The following EXOC6B variants were observed in gnomAD, a reference collection of about 807,000 sequenced individuals.
EXOC6B encodes the protein SEC15 homolog B.
In EXOC6B, 54 loss-of-function variants were observed where a neutral mutation model predicts 113.5. The ratio of observed to expected loss-of-function variants is 0.48; its 90% CI spans 0.38 to 0.60. EXOC6B has a LOEUF of 0.60. EXOC6B is among the 20% of genes least tolerant of loss of function. The pLI is 0.00. For synonymous variants in EXOC6B, 357 were observed against 339.0 expected (o/e 1.05, Z -0.58); for missense variants, 797 against 977.5 (o/e 0.82, Z 2.46).
chr2:72,585,202 T>C (rs774259315), intron 6 of EXOC6B, among the ~76,000 whole-genome samples: 1 of 151,916 alleles, frequency 6.6e-6, no homozygotes, highest in African/African-American at 2.4e-5. Flanking sequence ...AAAAGATCAA[T>C]GAAATTAAAA....
At position 72,416,934 on chromosome 2, in the gene EXOC6B, C is replaced by A. The variant is rs1694562351; in HGVS notation, c.1981-37064G>T. 1.3e-5 allele frequency among the ~76,000 whole-genome samples: 2 copies of A among 152,118 alleles called. 1 individual carries two copies. The highest frequency in any genetic ancestry group is 4.1e-4 in the South Asian group (2 of 4,822). ...TGTTTTGGTAACAATACCACATACT[C>A]GTTCGGTACATTGTCTGATTTCTAG... On this transcript the variant is annotated intron_variant, in intron 18 of 21. Coordinates refer to ENST00000272427, the MANE Select transcript of EXOC6B (RefSeq NM_015189.3).
intron 20 of EXOC6B, among the ~76,000 whole-genome samples, chr2:72,304,965 A>C (rs1158246089): frequency 2.0e-5 from 3 of 152,216 alleles, no homozygotes; most frequent in Admixed American, 1.3e-4. Context: ...TTGGGAGCAG[A>C]CATATCATAC....
At chr2:72,650,815 C>G (rs566477010) in intron 6 of EXOC6B, among the ~76,000 whole-genome samples, 1 of 151,376 alleles carries the variant, frequency 6.6e-6, no homozygotes, top group Non-Finnish European at 1.5e-5. Flanking sequence ...GAAATCAGAT[C>G]CTTCGACATA....
chr2:72,177,397 TTTTGAACTCTTCTCAAGCAATAGA>T lies in EXOC6B; in HGVS notation c.*1914_*1937del, dbSNP rs1677796862. 1 of 152,182 alleles carries T rather than the reference TTTTGAACTCTTCTCAAGCAATAGA, an allele frequency of 6.6e-6. No individual in the cohort carries two copies. The highest frequency in any genetic ancestry group is 1.5e-5 in the Non-Finnish European group (1 of 68,038). The allele number at this position is 152,182 out of a possible 1,614,324, so 9.4% of individuals were successfully genotyped here. ...AACTGGGTACTAGCAAAGAGAAGTG[TTTTGAACTCTTCTCAAGCAATAGA>T]ACTTCAGATTAATATAATCGTTTCT... On this transcript the variant is annotated 3_prime_UTR_variant, in exon 22 of 22. Coordinates refer to ENST00000272427, the MANE Select transcript of EXOC6B (RefSeq NM_015189.3).
chr2:72,621,931 A>C (rs972168806), intron 6 of EXOC6B, among the ~76,000 whole-genome samples: 6 of 152,140 alleles, frequency 3.9e-5, no homozygotes, highest in African/African-American at 1.4e-4. Context: ...CATACTTCAA[A>C]AAAATGAGGT....
At chr2:72,593,639 A>G (rs1706119790) in intron 6 of EXOC6B, among the ~76,000 whole-genome samples, 1 of 118,932 alleles carries the variant, frequency 8.4e-6, no homozygotes. Flanking sequence ...ACCAATAGGG[A>G]TCTTAAAAAA....
intron 8 of EXOC6B, among the ~76,000 whole-genome samples, chr2:72,551,671 A>AT (rs1205091829): frequency 1.5e-3 from 208 of 142,678 alleles, no homozygotes; most frequent in African/African-American, 3.2e-3. Context: ...CGCCCGGCTA[A>AT]TTTTTTTTTT....
intron 6 of EXOC6B, among the ~76,000 whole-genome samples, chr2:72,591,833 A>C (rs1705985236): frequency 6.6e-6 from 1 of 152,174 alleles, no homozygotes; most frequent in Non-Finnish European, 1.5e-5. Flanking sequence ...AGCAAATAAA[A>C]AGGGCAAACT....
At chr2:72,306,033 C>T (rs2104771959) in intron 20 of EXOC6B, among the ~76,000 whole-genome samples, 1 of 152,216 alleles carries the variant, frequency 6.6e-6, no homozygotes, top group Middle Eastern at 3.4e-3. Context: ...ATCCTGAATA[C>T]ATTTTTCCTT....
At chr2:72,633,394 C>A (rs1468542036) in intron 6 of EXOC6B, among the ~76,000 whole-genome samples, 1 of 152,090 alleles carries the variant, frequency 6.6e-6, no homozygotes, top group African/African-American at 2.4e-5. Context: ...CAGGATCATA[C>A]AATGTATGCT....
intron 18 of EXOC6B, among the ~76,000 whole-genome samples, chr2:72,397,200 T>C (rs1443789145): frequency 4.6e-5 from 7 of 152,120 alleles, no homozygotes; most frequent in Non-Finnish European, 1.5e-5. Context: ...TTAATATAAT[T>C]GTGATGGTTA....
Position 72,570,489 on chromosome 2 carries a change from C to T in EXOC6B, c.846+5003G>A, listed in dbSNP as rs376912816. Among the ~76,000 whole-genome samples, 24 of 152,248 alleles carry T rather than the reference C, an allele frequency of 1.6e-4. 2 individuals are homozygous for T. Among genetic ancestry groups the T allele is most frequent in the African/African-American group, 5.1e-4 (21 of 41,560 alleles). On this transcript the variant is annotated intron_variant, in intron 7 of 21. Transcript: ENST00000272427. ...AATTAACAATTCCCTCCTGTTGATT[C>T]TATACTTCAAAAGAGACACCAAAAT...
chr2:72,708,892 G>A (rs1351534638), intron 6 of EXOC6B, among the ~76,000 whole-genome samples: 2 of 124,234 alleles, frequency 1.6e-5, no homozygotes, highest in Non-Finnish European at 3.2e-5. Flanking sequence ...ACCACATCCA[G>A]CTAATTTTTT....
At chr2:72,471,555 T>C (rs1367496826) in intron 17 of EXOC6B, among the ~76,000 whole-genome samples, 8 of 152,214 alleles carry the variant, frequency 5.3e-5, no homozygotes, top group African/African-American at 1.9e-4. Flanking sequence ...ATGTCCTGAA[T>C]GGTATTGCCT....
intron 5 of EXOC6B, among the ~76,000 whole-genome samples, chr2:72,720,629 C>T (rs372824165): frequency 2.0e-5 from 3 of 151,570 alleles, no homozygotes; most frequent in East Asian, 2.0e-4. Context: ...GGCGTGCACC[C>T]GTAGTCCCAA....
chr2:72,662,420 G>T (rs1675089240), intron 6 of EXOC6B, among the ~76,000 whole-genome samples: 1 of 152,112 alleles, frequency 6.6e-6, no homozygotes, highest in South Asian at 2.1e-4. Context: ...TCTGGCAAAG[G>T]ACTTGTATCC....
chr2:72,628,538 A>G (rs1672199313), intron 6 of EXOC6B, among the ~76,000 whole-genome samples: 1 of 152,160 alleles, frequency 6.6e-6, no homozygotes, highest in African/African-American at 2.4e-5. Context: ...TTGAAATCCT[A>G]ACCCACAATA....
intron 1 of EXOC6B, among the ~76,000 whole-genome samples, chr2:72,761,605 T>C (rs940009721): frequency 1.3e-5 from 2 of 152,192 alleles, no homozygotes; most frequent in Non-Finnish European, 2.9e-5. Flanking sequence ...ATAAAATAAA[T>C]GGCCTCAGCA....
intron 18 of EXOC6B, among the ~76,000 whole-genome samples, chr2:72,401,711 T>C (rs1409405730): frequency 1.6e-5 from 2 of 127,808 alleles, no homozygotes; most frequent in Non-Finnish European, 3.3e-5. Context: ...TCATGTCTTT[T>C]CCAGCAACAT....
Sources: allele counts gnomAD v4.1 joint callset (sites outside exome capture counted in the v4.1 genomes callset), GRCh38; gene constraint gnomAD v4.1.1; transcripts MANE v1.5; gene names NCBI Gene and HGNC (gene_info 2026-07-23, HGNC 2026-07-21).